Variants in PLCB4 observed in about 807,000 individuals in gnomAD.
The protein encoded by PLCB4 is 1-phosphatidylinositol 4,5-bisphosphate phosphodiesterase beta-4.
A neutral mutation model predicts 178.8 loss-of-function variants in PLCB4; 77 were observed. The ratio of observed to expected loss-of-function variants is 0.43; its 90% CI spans 0.36 to 0.52. The LOEUF (loss-of-function observed/expected upper bound fraction) is 0.52, where lower values mean the gene tolerates loss of function less well. Among genes scored for constraint, PLCB4 ranks in the 20% least tolerant of loss-of-function variants. The probability of loss-of-function intolerance (pLI) is 0.00; values close to 1 mark genes in which losing one functional copy is unlikely to be tolerated. For synonymous variants in PLCB4, 496 were observed against 490.8 expected, an observed-to-expected ratio of 1.01 and a Z score of -0.14; for missense variants, 1,024 against 1,453.4, an observed-to-expected ratio of 0.70 and a Z score of 4.80.
At chr20:9,332,414 A>G (rs187745814) in intron 4 of PLCB4, among the ~76,000 whole-genome samples, 1 of 151,862 alleles carries the variant, frequency 6.6e-6, no homozygotes, top group Admixed American at 6.6e-5. Context: ...GTGGTGAGAA[A>G]CCAAATTAGA....
At chr20:9,216,180 G>C (rs146108018) in intron 2 of PLCB4, among the ~76,000 whole-genome samples, 17 of 151,476 alleles carry the variant, frequency 1.1e-4, no homozygotes, top group African/African-American at 4.1e-4. Flanking sequence ...TTACTTTTGT[G>C]TACTTCTTTT....
rs189581927 is a variant in PLCB4, at chr20:9,184,768, C to T, written c.-78-32622C>T. 2.0e-4 allele frequency among the ~76,000 whole-genome samples: 30 copies of T among 152,098 alleles called. No individual in the cohort carries two copies. The East Asian group carries it at 5.0e-3, about 25-fold the overall frequency. On this transcript the variant is annotated intron_variant, in intron 2 of 39. Coordinates refer to ENST00000378473, the MANE Select transcript of PLCB4 (RefSeq NM_001377142.1). ...TACATATAACACACGCATCTAGGAG[C>T]TGTTTTAAAAATCTTGACAGTTGTA...
intron 3 of PLCB4, among the ~76,000 whole-genome samples, chr20:9,291,108 A>G (rs941253271): frequency 1.3e-5 from 2 of 152,170 alleles, no homozygotes; most frequent in Non-Finnish European, 2.9e-5. Flanking sequence ...AGTGTAATAT[A>G]TAATCAAAGG....
At chr20:9,173,476 A>G (rs910814074) in intron 2 of PLCB4, among the ~76,000 whole-genome samples, 12 of 152,196 alleles carry the variant, frequency 7.9e-5, no homozygotes, top group African/African-American at 2.9e-4. Flanking sequence ...AACTGCCGTA[A>G]ACTTAGTGGC....
At chr20:9,225,426 A>G (rs2093851415) in intron 3 of PLCB4, among the ~76,000 whole-genome samples, 1 of 152,180 alleles carries the variant, frequency 6.6e-6, no homozygotes, top group African/African-American at 2.4e-5. Flanking sequence ...TTTACCTTCA[A>G]GGTTTAAGGG....
intron 32 of PLCB4, among the ~76,000 whole-genome samples, chr20:9,445,762 T>G (rs1029788003): frequency 3.3e-5 from 5 of 152,214 alleles, no homozygotes; most frequent in African/African-American, 7.2e-5. Flanking sequence ...TCAATGTTGT[T>G]GGTTATTGAC....
chr20:9,185,558 G>A (rs1419377948), intron 2 of PLCB4, among the ~76,000 whole-genome samples: 5 of 152,016 alleles, frequency 3.3e-5, no homozygotes, highest in Admixed American at 2.0e-4. Flanking sequence ...ACCCCTCTCC[G>A]TAGCCTGTTC....
chr20:9,355,933 C>A (rs568729390), intron 7 of PLCB4, among the ~76,000 whole-genome samples: 2 of 152,286 alleles, frequency 1.3e-5, no homozygotes, highest in East Asian at 3.9e-4. Flanking sequence ...AGTGTTCCCA[C>A]CCCTCCACAT....
chr20:9,431,634 TTG>T (rs1276476011), intron 28 of PLCB4, among the ~76,000 whole-genome samples: 4 of 138,568 alleles, frequency 2.9e-5, no homozygotes, highest in Admixed American at 7.4e-5. Context: ...CGGGGCCAAT[TTG>T]TGTGTGTGTG....
intron 2 of PLCB4, among the ~76,000 whole-genome samples, chr20:9,113,566 G>A (rs899554783): frequency 6.6e-6 from 1 of 152,150 alleles, no homozygotes; most frequent in Non-Finnish European, 1.5e-5. Flanking sequence ...CACATATTAC[G>A]AGACACACTT....
intron 7 of PLCB4, among the ~76,000 whole-genome samples, chr20:9,356,840 G>T (rs985965292): frequency 1.3e-5 from 2 of 152,168 alleles, no homozygotes; most frequent in African/African-American, 4.8e-5. Context: ...AATGGGCCAG[G>T]TGCAGTGGCT....
At chr20:9,078,384 CT>C (rs373601830) in intron 1 of PLCB4, among the ~76,000 whole-genome samples, 1,616 of 151,198 alleles carry the variant, frequency 0.011, 13 homozygotes, top group Middle Eastern at 0.027. Context: ...CTCTTCTTTT[CT>C]TTCTTTTCTT....
intron 2 of PLCB4, among the ~76,000 whole-genome samples, chr20:9,120,601 T>C (rs940260962): frequency 1.3e-4 from 20 of 152,166 alleles, no homozygotes; most frequent in Non-Finnish European, 1.8e-4. Flanking sequence ...ATACTACTTC[T>C]CATCTGCAGA....
At chr20:9,430,861 T>G (rs1334267926) in intron 28 of PLCB4, among the ~76,000 whole-genome samples, 2 of 152,186 alleles carry the variant, frequency 1.3e-5, no homozygotes, top group African/African-American at 4.8e-5. Flanking sequence ...TGCTGGACCC[T>G]CCATAGTCTT....
In PLCB4 at chr20:9,336,861, TCTATGACTTTCATG is replaced by T. The variant is rs2032543112; in HGVS notation, c.85-262_85-249del. ...CCAAGATATTAAGGAAACTTTCTTC[TCTATGACTTTCATG>T]CTTTCAGTCAGTATGCTTTGTTCTT... On this transcript the variant is annotated intron_variant, in intron 4 of 39. Transcript: ENST00000378473. Among the ~76,000 whole-genome samples the T allele has an allele frequency of 2.6e-5, 4 of 152,338 alleles. No homozygotes were observed. The South Asian group carries it at 8.3e-4, about 32-fold the overall frequency.
intron 2 of PLCB4, among the ~76,000 whole-genome samples, chr20:9,178,119 G>T (rs897294483): frequency 2.6e-5 from 4 of 152,170 alleles, no homozygotes; most frequent in Non-Finnish European, 5.9e-5. Context: ...AGGAGTTCGA[G>T]ACCATTCTGA....
intron 3 of PLCB4, among the ~76,000 whole-genome samples, chr20:9,232,806 G>A (rs1454019640): frequency 6.6e-6 from 1 of 152,012 alleles, no homozygotes; most frequent in Admixed American, 6.6e-5. Context: ...AGAGACAAAA[G>A]TAAATAAGAA....
At chr20:9,277,837 C>G (rs73093863) in intron 3 of PLCB4, among the ~76,000 whole-genome samples, 1 of 151,912 alleles carries the variant, frequency 6.6e-6, no homozygotes, top group African/African-American at 2.4e-5. Flanking sequence ...ACCAGGCACT[C>G]CTGTTTTGAA....
At position 9,348,188 on chromosome 20, in the gene PLCB4, C is replaced by A. The variant is rs114282893; in HGVS notation, c.369+9151C>A. On this transcript the variant is annotated intron_variant, in intron 7 of 39. Transcript: ENST00000378473. ...TTGTGGTTGGAGAGGTGACAGAAGT[C>A]ATTCTGGGTACTTCCTGTGGACATT... Among the ~76,000 whole-genome samples, 1,077 of 152,226 alleles carry A rather than the reference C, an allele frequency of 7.1e-3. 11 individuals carry two copies. Among genetic ancestry groups the A allele is most frequent in the African/African-American group, 0.023 (972 of 41,534 alleles).
Sources: gnomAD v4.1 joint callset for allele counts (sites outside exome capture counted in the v4.1 genomes callset) on GRCh38, gnomAD v4.1.1 for gene constraint, MANE v1.5 for transcripts, NCBI Gene and HGNC (gene_info 2026-07-23, HGNC 2026-07-21) for gene names.